SH2D4A: variants seen among roughly 807,000 people sequenced by gnomAD.
The protein encoded by SH2D4A is SH2 domain-containing protein 4A.
A neutral mutation model predicts 64.7 loss-of-function variants in SH2D4A; 70 were observed. The observed-to-expected ratio is 1.08, with a 90% confidence interval of 0.89 to 1.32. SH2D4A has a LOEUF of 1.32. Ranked by LOEUF, SH2D4A falls within the 40% of genes most tolerant of loss-of-function variation. The probability of loss-of-function intolerance (pLI) is 0.00; values close to 1 mark genes in which losing one functional copy is unlikely to be tolerated. For missense variants in SH2D4A, 706 were observed against 540.1 expected (o/e 1.31, Z -3.04); for synonymous variants, 268 against 200.7 (o/e 1.34, Z -2.83).
At chr8:19,383,774 A>G (rs10112335) in intron 8 of SH2D4A, among the ~76,000 whole-genome samples, 2,986 of 152,226 alleles carry the variant, frequency 0.02, 108 homozygotes, top group African/African-American at 0.069. Flanking sequence ...CATATATGCA[A>G]TTATTTTTGA....
chr8:19,314,153 G>A lies in SH2D4A; in HGVS notation c.-205+330G>A, dbSNP rs1300067876. The A allele has an allele frequency of 1.2e-5, 13 of 1,045,062 alleles. No homozygotes were observed. The South Asian group carries it at 4.2e-4, about 33-fold the overall frequency. The allele number at this position is 1,045,062 out of a possible 1,614,324, so 64.7% of individuals were successfully genotyped here. A position where few individuals can be genotyped will look rare whatever the true frequency, so the allele number is the denominator to read the frequency against. ...AACTTCGAGGGAGAGGGTCTGCCGGGGCTGAGGACCTTCGGGGAAGTTCTG... is the reference window on the plus strand; with the variant it reads ...AACTTCGAGGGAGAGGGTCTGCCGGAGCTGAGGACCTTCGGGGAAGTTCTG... On this transcript the variant is annotated intron_variant, in intron 1 of 9. Transcript: ENST00000265807.
chr8:19,319,456 A>G lies in SH2D4A; in HGVS notation c.-92A>G. On this transcript the variant is annotated 5_prime_UTR_variant, in exon 2 of 10. Coordinates refer to ENST00000265807, the MANE Select transcript of SH2D4A (RefSeq NM_022071.4). ...GTGAGCTGTTTGGGAAGTTTCGTGGAAACGCCCAAGTGCCAGCACAGGTGG... is the reference window on the plus strand; with the variant it reads ...GTGAGCTGTTTGGGAAGTTTCGTGGGAACGCCCAAGTGCCAGCACAGGTGG... The G allele has an allele frequency of 1.5e-6, 2 of 1,349,956 alleles. No individual in the cohort carries two copies. The highest frequency in any genetic ancestry group is 1.9e-6 in the Non-Finnish European group (2 of 1,046,148). 83.6% of individuals were successfully genotyped at this position (1,349,956 alleles called of 1,614,324 possible). A position where few individuals can be genotyped will look rare whatever the true frequency, so the allele number is the denominator to read the frequency against.
intron 2 of SH2D4A, among the ~76,000 whole-genome samples, chr8:19,320,550 G>A (rs1198470034): frequency 6.7e-6 from 1 of 149,486 alleles, no homozygotes; most frequent in African/African-American, 2.5e-5. Context: ...CTTGAGCTCA[G>A]GAGATCGAGG....
chr8:19,341,185 G>A lies in SH2D4A; in HGVS notation c.513+6328G>A, dbSNP rs561445304. On this transcript the variant is annotated intron_variant, in intron 4 of 9. Coordinates refer to ENST00000265807, the MANE Select transcript of SH2D4A (RefSeq NM_022071.4). ...CTTTAGAAGAGAACTGTGGTTTCTG[G>A]TGAGAAAGCTAGACTGGAGGTTTAG... Among the ~76,000 whole-genome samples, 9 of 152,294 alleles carry A rather than the reference G, an allele frequency of 5.9e-5. No individual in the cohort carries two copies. The East Asian group carries it at 1.5e-3, about 26-fold the overall frequency.
In SH2D4A at chr8:19,313,772, A is replaced by G. The variant is rs771153695; in HGVS notation, c.-256A>G. 1 of 1,512,450 alleles carries G rather than the reference A, an allele frequency of 6.6e-7. No individual in the cohort carries two copies. The allele number at this position is 1,512,450 out of a possible 1,614,324, so 93.7% of individuals were successfully genotyped here. A position where few individuals can be genotyped will look rare whatever the true frequency, so the allele number is the denominator to read the frequency against. On this transcript the variant is annotated 5_prime_UTR_variant, in exon 1 of 10. Coordinates refer to ENST00000265807, the MANE Select transcript of SH2D4A (RefSeq NM_022071.4). ...CCTTCCCCGACGGCTTCTGGCGGCC[A>G]AGTGGATGTGGCGGGTGATCGAGCC...
intron 5 of SH2D4A, among the ~76,000 whole-genome samples, chr8:19,359,766 A>G (rs2052850255): frequency 6.8e-6 from 1 of 147,336 alleles, no homozygotes. Context: ...TTTATGAATG[A>G]TGATTACTTG....
In SH2D4A at chr8:19,337,965, T is replaced by A. The variant is rs117728288; in HGVS notation, c.513+3108T>A. On this transcript the variant is annotated intron_variant, in intron 4 of 9. Coordinates refer to ENST00000265807, the MANE Select transcript of SH2D4A (RefSeq NM_022071.4). ...AAAGAGGCAGAAAGCAGAGTTATGC[T>A]GCCACAAGATGGGAGCCACCGGAAG... 3.5e-4 allele frequency among the ~76,000 whole-genome samples: 54 copies of A among 152,264 alleles called. No homozygotes were observed. The East Asian group carries it at 8.1e-3, about 23-fold the overall frequency.
At chr8:19,355,808 C>T (rs1287791646) in intron 4 of SH2D4A, among the ~76,000 whole-genome samples, 1 of 152,196 alleles carries the variant, frequency 6.6e-6, no homozygotes, top group Non-Finnish European at 1.5e-5. Context: ...ATTAATCTCA[C>T]CACCTATGAT....
intron 4 of SH2D4A, among the ~76,000 whole-genome samples, chr8:19,345,201 A>G (rs1411799604): frequency 1.3e-5 from 2 of 152,202 alleles, no homozygotes; most frequent in Non-Finnish European, 2.9e-5. Context: ...CTCTCTCCTG[A>G]TGAGCCAGGA....
At chr8:19,348,543 A>G (rs2052647401) in intron 4 of SH2D4A, among the ~76,000 whole-genome samples, 1 of 152,074 alleles carries the variant, frequency 6.6e-6, no homozygotes, top group Non-Finnish European at 1.5e-5. Flanking sequence ...AGCGCTGTCC[A>G]CTCCGGAACG....
At chr8:19,344,188 C>G (rs1320575765) in intron 4 of SH2D4A, among the ~76,000 whole-genome samples, 1 of 152,158 alleles carries the variant, frequency 6.6e-6, no homozygotes, top group African/African-American at 2.4e-5. Flanking sequence ...GGTGGGAAGT[C>G]TGACATAGCA....
chr8:19,365,341 C>G (rs577572193), intron 7 of SH2D4A, among the ~76,000 whole-genome samples: 1 of 152,264 alleles, frequency 6.6e-6, no homozygotes, highest in South Asian at 2.1e-4. Context: ...CAGTAAAGAC[C>G]ATGATCTCCA....
chr8:19,385,113 G>A (rs1450003204), intron 8 of SH2D4A, among the ~76,000 whole-genome samples: 5 of 151,836 alleles, frequency 3.3e-5, no homozygotes, highest in Admixed American at 6.6e-5. Flanking sequence ...TACCCTCCTC[G>A]TGCTTTGGTC....
chr8:19,319,013 A>C (rs956882212), intron 1 of SH2D4A, among the ~76,000 whole-genome samples: 1 of 151,092 alleles, frequency 6.6e-6, no homozygotes, highest in Non-Finnish European at 1.5e-5. Context: ...TCAGCCACAC[A>C]GTTGGTGGTT....
chr8:19,375,682 G>C (rs928327089), intron 8 of SH2D4A: 2 of 152,036 alleles, frequency 1.3e-5, no homozygotes, highest in Non-Finnish European at 2.9e-5. Context: ...TTCACAGCAT[G>C]ATAAATGTAG....
intron 8 of SH2D4A, among the ~76,000 whole-genome samples, chr8:19,389,248 T>C (rs2053442951): frequency 6.6e-6 from 1 of 152,202 alleles, no homozygotes; most frequent in African/African-American, 2.4e-5. Flanking sequence ...GAGTTACTTC[T>C]GGGCTCTTGG....
chr8:19,378,616 A>G (rs571736792), intron 8 of SH2D4A, among the ~76,000 whole-genome samples: 1 of 152,208 alleles, frequency 6.6e-6, no homozygotes, highest in African/African-American at 2.4e-5. Context: ...GTGTATTTTT[A>G]GTAGAGATGG....
intron 2 of SH2D4A, among the ~76,000 whole-genome samples, chr8:19,322,500 C>A (rs2052208553): frequency 6.6e-6 from 1 of 152,026 alleles, no homozygotes; most frequent in South Asian, 2.1e-4. Flanking sequence ...GAAGTTCCTT[C>A]ATTGTCATCT....
At chr8:19,334,466 C>A (rs1188806613) in intron 3 of SH2D4A, among the ~76,000 whole-genome samples, 1 of 152,108 alleles carries the variant, frequency 6.6e-6, no homozygotes, top group Admixed American at 6.5e-5. Context: ...TCTTGGAGCT[C>A]TTATAACAAA....
Sources: gnomAD v4.1 joint callset for allele counts (sites outside exome capture counted in the v4.1 genomes callset) on GRCh38, gnomAD v4.1.1 for gene constraint, MANE v1.5 for transcripts, NCBI Gene and HGNC (gene_info 2026-07-23, HGNC 2026-07-21) for gene names.